XRN1: variants seen among roughly 807,000 people sequenced by gnomAD.
The protein encoded by XRN1 is 5'-3' exoribonuclease 1.
A neutral mutation model predicts 222.3 loss-of-function variants in XRN1; 67 were observed. The ratio of observed to expected loss-of-function variants is 0.30; its 90% CI spans 0.25 to 0.37. XRN1 has a LOEUF of 0.37. Among genes scored for constraint, XRN1 ranks in the 10% least tolerant of loss-of-function variants. The pLI is 1.00. For missense variants in XRN1, 1,707 were observed against 2,000.2 expected (o/e 0.85, Z 2.80); for synonymous variants, 643 against 652.4 (o/e 0.99, Z 0.22).
intron 15 of XRN1, 68 bp downstream of exon 15, chr3:142,412,476 A>G (rs1413641693): frequency 2.8e-5 from 41 of 1,445,940 alleles, no homozygotes; most frequent in Non-Finnish European, 3.8e-5. Flanking sequence ...CCCATTGCTC[A>G]TTAACCTATG....
At chr3:142,379,141 G>A (rs1018054240) in intron 23 of XRN1, among the ~76,000 whole-genome samples, 7 of 151,958 alleles carry the variant, frequency 4.6e-5, no homozygotes, top group Non-Finnish European at 8.8e-5. Context: ...CATGGTGGTG[G>A]GTGCCTGTAA....
intron 25 of XRN1, among the ~76,000 whole-genome samples, chr3:142,373,824 A>T (rs565369498): frequency 1.3e-5 from 2 of 152,028 alleles, no homozygotes; most frequent in Admixed American, 6.6e-5. Flanking sequence ...ACTAAAAAAA[A>T]TACAAAATTT....
At chr3:142,402,965 C>A (rs888370384) in intron 18 of XRN1, among the ~76,000 whole-genome samples, 1 of 152,148 alleles carries the variant, frequency 6.6e-6, no homozygotes, top group African/African-American at 2.4e-5. Flanking sequence ...TCACCTGATG[C>A]TACACTCGCA....
chr3:142,361,197 T>C (rs1577291300), intron 29 of XRN1, among the ~76,000 whole-genome samples: 1 of 152,254 alleles, frequency 6.6e-6, no homozygotes, highest in African/African-American at 2.4e-5. Flanking sequence ...GAGTCACCTA[T>C]GTTGTGTCTA....
chr3:142,447,969 T>G lies in XRN1; in HGVS notation c.-25A>C. 1 of 1,612,010 alleles carries G rather than the reference T, an allele frequency of 6.2e-7. No individual in the cohort carries two copies. The highest frequency in any genetic ancestry group is 8.5e-7 in the Non-Finnish European group (1 of 1,179,144). On this transcript the variant is annotated 5_prime_UTR_variant, in exon 1 of 41. Coordinates refer to ENST00000392981, the MANE Select transcript of XRN1 (RefSeq NM_001282857.2). This position sits in a 1 kb window ranked among gnomAD's most constrained non-coding sequence, Gnocchi z 4.2. ...TTTCGATCGTCAACACTAATCCCAG[T>G]CAGGGCCAAACCGAAACCAAACGCC...
intron 20 of XRN1, among the ~76,000 whole-genome samples, chr3:142,392,328 T>C (rs2107982617): frequency 6.7e-6 from 1 of 149,520 alleles, no homozygotes; most frequent in East Asian, 1.9e-4. Flanking sequence ...GCAATTTCTT[T>C]TTTTTTTTTT....
rs756389559 is a variant in XRN1, at chr3:142,384,597, G to C, written c.2428C>G (p.Gln810Glu). Residue 810 changes from glutamine to glutamate, a missense_variant, in exon 21 of 41, where the codon CAA becomes GAA. Transcript: ENST00000392981. Reference sequence around the variant, plus strand: ...TTCTCTAGACGAACTTCACCATTTTGATTTATTTGATATTTACGACCTGTG... The same window carrying C: ...TTCTCTAGACGAACTTCACCATTTTCATTTATTTGATATTTACGACCTGTG... ...LLTGRKYQINQNGEVRLEKQW... is the reference protein window; with the variant it reads ...LLTGRKYQINENGEVRLEKQW... 5.6e-6 allele frequency: 9 copies of C among 1,612,922 alleles called. No homozygotes were observed. The South Asian group carries it at 9.9e-5, about 18-fold the overall frequency.
At chr3:142,426,899 A>C in intron 2 of XRN1, 58 bp from the exon 3 acceptor site, 1 of 1,380,984 alleles carries the variant, frequency 7.2e-7, no homozygotes, top group Non-Finnish European at 1.0e-6. Context: ...GAAGATCTTT[A>C]TATAAACTGC....
intron 20 of XRN1, among the ~76,000 whole-genome samples, chr3:142,387,079 C>G (rs983892985): frequency 3.3e-5 from 5 of 152,004 alleles, no homozygotes; most frequent in African/African-American, 1.2e-4. Context: ...AAATATCCAT[C>G]CACTGTAGAA....
rs1415728188 is a variant in XRN1 at position 142,418,520 on chromosome 3, C to A, written c.1330G>T (p.Val444Phe). ...AAAACGTACTCAGATACTACGTCAA[C>A]CCCCATCTTCGTCATGTAATATGTT... ...KRTYYMTKMG[V>F]DVVSDDFLAD... Residue 444 changes from valine to phenylalanine, a missense_variant, in exon 12 of 41, where the codon GTT becomes TTT. By Grantham distance (50) the Val-to-Phe change is conservative. Around this residue, in one of 2 missense-constraint regions of XRN1, gnomAD observed 1,234 missense variants for 1,518.2 expected, o/e 0.81. Transcript: ENST00000392981. 1 of 1,610,500 alleles carries A rather than the reference C, an allele frequency of 6.2e-7. No homozygotes were observed.
intron 32 of XRN1, among the ~76,000 whole-genome samples, chr3:142,349,091 T>C (rs769914049): frequency 6.6e-6 from 1 of 152,116 alleles, no homozygotes; most frequent in Non-Finnish European, 1.5e-5. Context: ...TAGCTGGGGC[T>C]ATGGGTATGT....
In XRN1 at chr3:142,382,829, A is replaced by G. The variant is rs182995110; in HGVS notation, c.2616+471T>C. ...TACACAGATATACAAACATATATAC[A>G]TATTTTAGAAACCAAGAGTTCACAC... On this transcript the variant is annotated intron_variant, in intron 22 of 40. Transcript: ENST00000392981. Among the ~76,000 whole-genome samples, 278 of 149,652 alleles carry G rather than the reference A, an allele frequency of 1.9e-3. 1 individual carries two copies. The highest frequency in any genetic ancestry group is 3.6e-3 in the Non-Finnish European group (238 of 66,944).
At chr3:142,331,044 C>T (rs940447081) in intron 36 of XRN1, among the ~76,000 whole-genome samples, 1 of 152,208 alleles carries the variant, frequency 6.6e-6, no homozygotes, top group South Asian at 2.1e-4. Flanking sequence ...TCTCAAACTC[C>T]TGACCTCAGG....
chr3:142,426,745 T>C lies in XRN1; in HGVS notation c.405A>G (p.Pro135=), dbSNP rs1394181936. 1 of 1,609,804 alleles carries C rather than the reference T, an allele frequency of 6.2e-7. No homozygotes were observed. The highest frequency in any genetic ancestry group is 8.5e-7 in the Non-Finnish European group (1 of 1,178,220). ...EARFDSNCIT[P]GTEFMARLHE... ...TAATTTGTCTCTCAGTGAATTTACC[T>C]GGTGTGATACAGTTGGAATCAAATC... The change falls in exon 3 of 41, where the codon CCA becomes CCG. Residue 135 remains proline (P), a splice_region_variant and synonymous_variant. Coordinates refer to ENST00000392981, the MANE Select transcript of XRN1 (RefSeq NM_001282857.2).
intron 36 of XRN1, among the ~76,000 whole-genome samples, chr3:142,331,107 C>T (rs551219767): frequency 6.6e-5 from 10 of 152,324 alleles, no homozygotes; most frequent in South Asian, 6.2e-4. Flanking sequence ...TGTGGGCCAA[C>T]GTGCCCAGCC....
At chr3:142,442,968 C>T (rs1252243501) in intron 1 of XRN1, among the ~76,000 whole-genome samples, 6 of 152,100 alleles carry the variant, frequency 3.9e-5, no homozygotes, top group Admixed American at 6.5e-5. Context: ...CTCCTGACCT[C>T]GTGATCCACC....
rs187741820 is a variant in XRN1, at chr3:142,352,237, G to A, written c.3768+3164C>T. On this transcript the variant is annotated intron_variant, in intron 32 of 40. Coordinates refer to ENST00000392981, the MANE Select transcript of XRN1 (RefSeq NM_001282857.2). ...ACCCTGTCATCTGTTTTGGCCCCAA[G>A]GCATAATTGGGCAAAGTATCTCTTG... is the stretch of plus-strand genomic sequence containing the variant. Among the ~76,000 whole-genome samples, 408 of 152,216 alleles carry A rather than the reference G, an allele frequency of 2.7e-3. 1 individual carries two copies. The highest frequency in any genetic ancestry group is 6.8e-3 in the Admixed American group (104 of 15,286).
chr3:142,410,246 T>C (rs1007022511), intron 15 of XRN1, among the ~76,000 whole-genome samples: 2 of 152,192 alleles, frequency 1.3e-5, no homozygotes, highest in African/African-American at 2.4e-5. Context: ...AGATTTTTTA[T>C]ATGCCTTTAT....
intron 30 of XRN1, among the ~76,000 whole-genome samples, chr3:142,359,617 C>T (rs1261244563): frequency 6.6e-6 from 1 of 152,128 alleles, no homozygotes; most frequent in Non-Finnish European, 1.5e-5. Flanking sequence ...GCACTTCTTC[C>T]TAGCACTTGC....
Sources: gnomAD v4.1 joint callset for allele counts (sites outside exome capture counted in the v4.1 genomes callset) on GRCh38, gnomAD v4.1.1 for gene constraint, gnomAD v4.1.1 regional missense constraint, Gnocchi (gnomAD v3.1) non-coding constraint, MANE v1.5 for transcripts, NCBI Gene and HGNC (gene_info 2026-07-23, HGNC 2026-07-21) for gene names.